Variants in GTF2H4 observed in about 807,000 individuals in gnomAD.
The protein encoded by GTF2H4 is general transcription factor IIH subunit 4, also known as BTF2 p52.
GTF2H4 carries 49 observed loss-of-function variants against 62.2 expected under a neutral mutation model. The observed-to-expected ratio is 0.79, with a 90% CI of 0.63 to 1.00. The LOEUF (loss-of-function observed/expected upper bound fraction) is 1.00. Among genes scored for constraint, GTF2H4 ranks in the 50% least tolerant of loss-of-function variants. GTF2H4 has a pLI of 0.00. For synonymous variants in GTF2H4, 189 were observed against 233.8 expected, an observed-to-expected ratio of 0.81 and a Z score of 1.75; for missense variants, 479 against 587.8, an observed-to-expected ratio of 0.81 and a Z score of 1.91.
rs1793904966 is a variant in GTF2H4 at position 30,913,479 on chromosome 6, G to A, written c.1216+92G>A. ...TTTTATTTTTTACTTCATGGACTAG[G>A]AGAGAAAAGCTGGCAAGACAGTTTT... On this transcript the variant is annotated intron_variant, in intron 13 of 13. Transcript: ENST00000259895. This position sits in a 1 kb window ranked among gnomAD's most constrained non-coding sequence, Gnocchi z 4.2. 7.0e-7 allele frequency: 1 copy of A among 1,418,742 alleles called. No homozygotes were observed. The highest frequency in any genetic ancestry group is 9.7e-7 in the Non-Finnish European group (1 of 1,035,698). 87.9% of individuals were successfully genotyped at this position (1,418,742 alleles called of 1,614,324 possible).
chr6:30,911,658 C>A lies in GTF2H4; in HGVS notation c.742-26C>A. On this transcript the variant is annotated intron_variant, in intron 8 of 13. Coordinates refer to ENST00000259895, the MANE Select transcript of GTF2H4 (RefSeq NM_001517.5). This position sits in a 1 kb window ranked among gnomAD's most constrained non-coding sequence, Gnocchi z 4.3. Reference sequence around the variant, plus strand: ...GGGGTGGGTGGGTTGTGTTTTGGACCCCAGCTGGAAACCTCTGTTCCTCAG... The same window carrying A: ...GGGGTGGGTGGGTTGTGTTTTGGACACCAGCTGGAAACCTCTGTTCCTCAG... The A allele has an allele frequency of 4.4e-6, 7 of 1,592,838 alleles. No homozygotes were observed. In the South Asian group the frequency reaches 7.7e-5, roughly 18 times the overall value.
In GTF2H4 at chr6:30,911,146, C is replaced by A. The variant is rs1416566470; in HGVS notation, c.561-12C>A. ...TGCATATCACCATCATTGTCCTGGT[C>A]TTTGTCTCTAGTACTGAACCTGGAG... On this transcript the variant is annotated splice_polypyrimidine_tract_variant and intron_variant, in intron 6 of 13. Coordinates refer to ENST00000259895, the MANE Select transcript of GTF2H4 (RefSeq NM_001517.5). This position sits in a 1 kb window ranked among gnomAD's most constrained non-coding sequence, Gnocchi z 4.3. 3 of 1,599,510 alleles carry A rather than the reference C, an allele frequency of 1.9e-6. No individual in the cohort carries two copies. Among genetic ancestry groups the A allele is most frequent in the South Asian group, 2.2e-5 (2 of 90,748 alleles).
chr6:30,910,731 C>A lies in GTF2H4; in HGVS notation c.441C>A (p.Ser147=). 3 of 1,612,900 alleles carry A rather than the reference C, an allele frequency of 1.9e-6. No individual in the cohort carries two copies. The highest frequency in any genetic ancestry group is 2.5e-6 in the Non-Finnish European group (3 of 1,179,938). Reference sequence around the variant, plus strand: ...ACAAGCATGCCCGGGACGTTCCCTCCCTTGACAAGTACGCCGAGGAGCGAT... The same window carrying A: ...ACAAGCATGCCCGGGACGTTCCCTCACTTGACAAGTACGCCGAGGAGCGAT... ...GPDKHARDVP[S]LDKYAEERWE... Residue 147 remains serine (S), a synonymous_variant, in exon 5 of 14, where the codon TCC becomes TCA. Transcript: ENST00000259895. The surrounding 1 kb of genome is among the most constrained non-coding windows in gnomAD (Gnocchi z 4.7).
Position 30,913,054 on chromosome 6 carries a change from A to T in GTF2H4, c.1090-56A>T. On this transcript the variant is annotated intron_variant, in intron 11 of 13. Transcript: ENST00000259895. The surrounding 1 kb of genome is among the most constrained non-coding windows in gnomAD (Gnocchi z 4.2). ...CCAGTGACATTAGGTGACAGCTCAG[A>T]TGGCTTTCCTGCCTTCTTGCTGGAG... The T allele has an allele frequency of 6.3e-7, 1 of 1,575,324 alleles. No homozygotes were observed. Among genetic ancestry groups the T allele is most frequent in the Non-Finnish European group, 8.7e-7 (1 of 1,146,190 alleles).
In GTF2H4 at chr6:30,912,227, C is replaced by T. The variant is rs1250009001; in HGVS notation, c.958+81C>T. ...TTTATGTTCGTGTTTACCTGGCAGT[C>T]TACAGAGCTCTCTGACATTTCTCAT... On this transcript the variant is annotated intron_variant, in intron 10 of 13. Transcript: ENST00000259895. This position sits in a 1 kb window ranked among gnomAD's most constrained non-coding sequence, Gnocchi z 4.8. 2.5e-6 allele frequency: 4 copies of T among 1,600,628 alleles called. No individual in the cohort carries two copies. In the African/African-American group the frequency reaches 4.0e-5, roughly 16 times the overall value.
At position 30,910,681 on chromosome 6, in the gene GTF2H4, G is replaced by A; in HGVS notation, c.391G>A (p.Asp131Asn). Residue 131 changes from aspartate (D) to asparagine (N), a missense_variant, in exon 5 of 14, where the codon GAT becomes AAT. By Grantham distance (23) the Asp-to-Asn change is conservative. Coordinates refer to ENST00000259895, the MANE Select transcript of GTF2H4 (RefSeq NM_001517.5). The surrounding 1 kb of genome is among the most constrained non-coding windows in gnomAD (Gnocchi z 4.7). ...ALLGGGKAWS[D>N]DTSQLGPDKH... ...TGGCCGTAGGGGGAAGGCCTGGTCT[G>A]ATGACACAAGTCAGCTGGGACCAGA... 6.2e-7 allele frequency: 1 copy of A among 1,612,968 alleles called. No homozygotes were observed. Among genetic ancestry groups the A allele is most frequent in the Non-Finnish European group, 8.5e-7 (1 of 1,179,962 alleles).
chr6:30,909,018 C>A lies in GTF2H4; in HGVS notation c.-3-16C>A, dbSNP rs374491254. The A allele has an allele frequency of 1.9e-6, 3 of 1,613,656 alleles. No homozygotes were observed. The East Asian group carries it at 6.7e-5, about 36-fold the overall frequency. ...ATGGATGGTGAGGTTGCACTTCTGA[C>A]GTTTGCATTCCTCAGGTGATGGAGA... On this transcript the variant is annotated splice_polypyrimidine_tract_variant and intron_variant, in intron 1 of 13. Coordinates refer to ENST00000259895, the MANE Select transcript of GTF2H4 (RefSeq NM_001517.5). The surrounding 1 kb of genome is among the most constrained non-coding windows in gnomAD (Gnocchi z 4.3).
rs1390277097 is a variant in GTF2H4, at chr6:30,914,019, G to A, written c.*36G>A. ...CTTGGACACGGACCTCGGCGGGCGG[G>A]ACTGGGCGGGGCGGGGCATCAGAAC... On this transcript the variant is annotated 3_prime_UTR_variant, in exon 14 of 14. Transcript: ENST00000259895. 5.3e-6 allele frequency: 7 copies of A among 1,329,058 alleles called. No homozygotes were observed. Among genetic ancestry groups the A allele is most frequent in the Non-Finnish European group, 6.3e-6 (6 of 947,438 alleles). 82.3% of individuals were successfully genotyped at this position (1,329,058 alleles called of 1,614,324 possible).
Position 30,913,968 on chromosome 6 carries a change from GA to G in GTF2H4, c.1377del (p.Lys459AsnfsTer39). The G allele has an allele frequency of 6.3e-7, 1 of 1,590,542 alleles. No individual in the cohort carries two copies. Among genetic ancestry groups the G allele is most frequent in the Non-Finnish European group, 8.6e-7 (1 of 1,168,354 alleles). ...ACGTCAAGCGCTTTTGGAAGCGGCA[GA>G]AACATAGCTCCTGAGAGCGCGGGAC... is the stretch of plus-strand genomic sequence containing the variant. ...SDVKRFWKRQ[K>X]HSS On this transcript the variant is annotated frameshift_variant, in exon 14 of 14. Coordinates refer to ENST00000259895, the MANE Select transcript of GTF2H4 (RefSeq NM_001517.5). LOFTEE classifies it high-confidence loss of function. This position sits in a 1 kb window ranked among gnomAD's most constrained non-coding sequence, Gnocchi z 4.2.
In GTF2H4 at chr6:30,913,991, G is replaced by A; in HGVS notation, c.*8G>A. 6.3e-7 allele frequency: 1 copy of A among 1,581,454 alleles called. No individual in the cohort carries two copies. The highest frequency in any genetic ancestry group is 8.6e-7 in the Non-Finnish European group (1 of 1,162,724). On this transcript the variant is annotated 3_prime_UTR_variant, in exon 14 of 14. Transcript: ENST00000259895. This position sits in a 1 kb window ranked among gnomAD's most constrained non-coding sequence, Gnocchi z 4.2. ...CAGAAACATAGCTCCTGAGAGCGCG[G>A]GACTTGGACACGGACCTCGGCGGGC...
At position 30,913,654 on chromosome 6, in the gene GTF2H4, C is replaced by A. The variant is rs890075223; in HGVS notation, c.1217-157C>A. On this transcript the variant is annotated intron_variant, in intron 13 of 13. Coordinates refer to ENST00000259895, the MANE Select transcript of GTF2H4 (RefSeq NM_001517.5). The surrounding 1 kb of genome is among the most constrained non-coding windows in gnomAD (Gnocchi z 4.2). ...ACTGGTGTTAAGATGAACCCCTGAG[C>A]AGACAAGCATAGAGAATTAGTTTGT... Among the ~76,000 whole-genome samples the A allele has an allele frequency of 3.3e-5, 5 of 152,180 alleles. No individual in the cohort carries two copies. Among genetic ancestry groups the A allele is most frequent in the African/African-American group, 7.2e-5 (3 of 41,436 alleles).
chr6:30,910,099 G>A lies in GTF2H4; in HGVS notation c.374+36G>A, dbSNP rs1397589139. On this transcript the variant is annotated intron_variant, in intron 4 of 13. Coordinates refer to ENST00000259895, the MANE Select transcript of GTF2H4 (RefSeq NM_001517.5). This position sits in a 1 kb window ranked among gnomAD's most constrained non-coding sequence, Gnocchi z 4.7. ...TCTCTCTCTTCCTAAGCTAGGGCAG[G>A]GGAACTGCTGCTTATTAAACCACTA... 1.9e-6 allele frequency: 3 copies of A among 1,605,536 alleles called. No individual in the cohort carries two copies. The highest frequency in any genetic ancestry group is 2.6e-6 in the Non-Finnish European group (3 of 1,176,380).
At position 30,909,791 on chromosome 6, in the gene GTF2H4, T is replaced by C; in HGVS notation, c.243-141T>C. ...TCTGATAAGTAATGCAGTAAAGAAT[T>C]TGTCTTAGGAAGATACTAATTTCAC... On this transcript the variant is annotated intron_variant, in intron 3 of 13. Coordinates refer to ENST00000259895, the MANE Select transcript of GTF2H4 (RefSeq NM_001517.5). This position sits in a 1 kb window ranked among gnomAD's most constrained non-coding sequence, Gnocchi z 4.3. 1.3e-6 allele frequency: 1 copy of C among 793,420 alleles called. No individual in the cohort carries two copies. Among genetic ancestry groups the C allele is most frequent in the Non-Finnish European group, 2.0e-6 (1 of 488,494 alleles). The allele number at this position is 793,420 out of a possible 1,614,324, so 49.1% of individuals were successfully genotyped here.
rs1793738385 is a variant in GTF2H4 at position 30,910,968 on chromosome 6, CTCTG to C, written c.560+28_560+31del. 1 of 1,518,498 alleles carries C rather than the reference CTCTG, an allele frequency of 6.6e-7. No individual in the cohort carries two copies. Among genetic ancestry groups the C allele is most frequent in the Admixed American group, 1.8e-5 (1 of 54,904 alleles). The allele number at this position is 1,518,498 out of a possible 1,614,324, so 94.1% of individuals were successfully genotyped here. A position where few individuals can be genotyped will look rare whatever the true frequency, so the allele number is the denominator to read the frequency against. On this transcript the variant is annotated intron_variant, in intron 6 of 13. Transcript: ENST00000259895. The surrounding 1 kb of genome is among the most constrained non-coding windows in gnomAD (Gnocchi z 4.7). ...TGAGGAAGCCGGAGGTACAGCAGCT[CTCTG>C]CTGTGCCATCTCCTTGGGTCCCTAA...
rs773217507 is a variant in GTF2H4 at position 30,912,108 on chromosome 6, T to C, written c.920T>C (p.Ile307Thr). 1 of 1,612,942 alleles carries C rather than the reference T, an allele frequency of 6.2e-7. No individual in the cohort carries two copies. The highest frequency in any genetic ancestry group is 8.5e-7 in the Non-Finnish European group (1 of 1,179,974). The part of the protein sequence containing the change: ...AGGTVHQPGF[I>T]VVETNYRLYA... ...GGCACTGTGCATCAGCCAGGTTTCA[T>C]TGTCGTGGAAACCAATTACCGACTG... The change falls in exon 10 of 14, where the codon ATT becomes ACT. Residue 307 changes from isoleucine (I) to threonine (T), a missense_variant. By Grantham distance (89) the Ile-to-Thr change is moderately conservative. Transcript: ENST00000259895. This position sits in a 1 kb window ranked among gnomAD's most constrained non-coding sequence, Gnocchi z 4.8.
rs757137110 is a variant in GTF2H4, at chr6:30,910,815, C to T, written c.472-38C>T. The T allele has an allele frequency of 9.8e-5, 157 of 1,605,980 alleles. No homozygotes were observed. The highest frequency in any genetic ancestry group is 1.3e-4 in the Non-Finnish European group (152 of 1,174,142). ...GCTTGTGCTTCTACTTCCCATGGCC[C>T]TTGGGGCATGGTCTCCCTGTTCTCT... On this transcript the variant is annotated intron_variant, in intron 5 of 13. Coordinates refer to ENST00000259895, the MANE Select transcript of GTF2H4 (RefSeq NM_001517.5). The surrounding 1 kb of genome is among the most constrained non-coding windows in gnomAD (Gnocchi z 4.7).
In GTF2H4 at chr6:30,911,523, A is replaced by G; in HGVS notation, c.741+24A>G. On this transcript the variant is annotated intron_variant, in intron 8 of 13. Coordinates refer to ENST00000259895, the MANE Select transcript of GTF2H4 (RefSeq NM_001517.5). The surrounding 1 kb of genome is among the most constrained non-coding windows in gnomAD (Gnocchi z 4.3). ...AGGTAAGCAGGGGGCTGAAAGGTAT[A>G]GAGATGGGAAGGGGAAAGCAAGTTG... 2 of 1,599,644 alleles carry G rather than the reference A, an allele frequency of 1.3e-6. No homozygotes were observed. Among genetic ancestry groups the G allele is most frequent in the Non-Finnish European group, 1.7e-6 (2 of 1,166,950 alleles).
In GTF2H4 at chr6:30,913,006, A is replaced by C. The variant is rs1172708314; in HGVS notation, c.1090-104A>C. The C allele has an allele frequency of 8.8e-7, 1 of 1,133,834 alleles. No individual in the cohort carries two copies. The highest frequency in any genetic ancestry group is 1.3e-6 in the Non-Finnish European group (1 of 767,544). 70.2% of individuals were successfully genotyped at this position (1,133,834 alleles called of 1,614,324 possible). ...GGTGGAGTTGATGACAGGAGTTATG[A>C]GTTTTTAGAATAAGCTGATGTTCCA... On this transcript the variant is annotated intron_variant, in intron 11 of 13. Coordinates refer to ENST00000259895, the MANE Select transcript of GTF2H4 (RefSeq NM_001517.5). This position sits in a 1 kb window ranked among gnomAD's most constrained non-coding sequence, Gnocchi z 4.2.
chr6:30,910,806 C>T lies in GTF2H4; in HGVS notation c.471+45C>T. On this transcript the variant is annotated intron_variant, in intron 5 of 13. Transcript: ENST00000259895. The surrounding 1 kb of genome is among the most constrained non-coding windows in gnomAD (Gnocchi z 4.7). ...TGTGTCTCTGCTTGTGCTTCTACTT[C>T]CCATGGCCCTTGGGGCATGGTCTCC... The T allele has an allele frequency of 6.2e-7, 1 of 1,600,552 alleles. No homozygotes were observed. Among genetic ancestry groups the T allele is most frequent in the Non-Finnish European group, 8.6e-7 (1 of 1,169,202 alleles).
Sources: gnomAD v4.1 joint callset for allele counts (sites outside exome capture counted in the v4.1 genomes callset) on GRCh38, gnomAD v4.1.1 for gene constraint, Gnocchi (gnomAD v3.1) non-coding constraint, MANE v1.5 for transcripts, NCBI Gene and HGNC (gene_info 2026-07-23, HGNC 2026-07-21) for gene names.